The following SYTL2 variants were observed in gnomAD, a reference collection of about 807,000 sequenced individuals.
SYTL2 encodes synaptotagmin-like protein 2.
In SYTL2, 165 loss-of-function variants were observed where a neutral mutation model predicts 198.7. The ratio of observed to expected loss-of-function variants is 0.83; its 90% CI spans 0.73 to 0.94. The LOEUF (loss-of-function observed/expected upper bound fraction) is 0.94, where lower values mean the gene tolerates loss of function less well. SYTL2 is among the 40% of genes least tolerant of loss of function. The pLI, the probability that SYTL2 is intolerant of heterozygous loss-of-function variation, is 0.00. For missense variants in SYTL2, 2,835 were observed against 2,582.8 expected, an observed-to-expected ratio of 1.10 and a Z score of -2.12; for synonymous variants, 966 against 917.7, an observed-to-expected ratio of 1.05 and a Z score of -0.95.
rs751986369 is a variant in SYTL2 at position 85,697,958 on chromosome 11, CAG to C, written c.6368+19_6368+20del. On this transcript the variant is annotated intron_variant, in intron 18 of 19. Transcript: ENST00000359152. Reference sequence around the variant, plus strand: ...GACCAGGCTACAGAACTGTTGCAGACAGAGTCATCAATACTATTACCATTTAA... The same window carrying C: ...GACCAGGCTACAGAACTGTTGCAGACAGTCATCAATACTATTACCATTTAA... 2 of 1,516,658 alleles carry C rather than the reference CAG, an allele frequency of 1.3e-6. No homozygotes were observed. The highest frequency in any genetic ancestry group is 1.1e-5 in the South Asian group (1 of 88,880). The allele number at this position is 1,516,658 out of a possible 1,614,324, so 94.0% of individuals were successfully genotyped here.
chr11:85,753,370 A>G (rs2091664768), intron 2 of SYTL2, among the ~76,000 whole-genome samples: 2 of 152,066 alleles, frequency 1.3e-5, no homozygotes, highest in South Asian at 4.1e-4. Flanking sequence ...ATACATGGTA[A>G]TAACTGGGTC....
intron 5 of SYTL2, 73 bp downstream of exon 5, chr11:85,737,502 G>T: frequency 8.6e-7 from 1 of 1,164,638 alleles, no homozygotes; most frequent in Non-Finnish European, 1.3e-6. Flanking sequence ...TTTATTTTGT[G>T]GTGCTTTGAC....
intron 1 of SYTL2, among the ~76,000 whole-genome samples, chr11:85,793,122 A>G (rs1312616010): frequency 6.6e-6 from 1 of 151,802 alleles, no homozygotes; most frequent in African/African-American, 2.4e-5. Context: ...AGCATGATTT[A>G]TAGTCCTTTG....
intron 1 of SYTL2, among the ~76,000 whole-genome samples, chr11:85,759,048 C>A (rs953080079): frequency 6.6e-6 from 1 of 151,846 alleles, no homozygotes; most frequent in Non-Finnish European, 1.5e-5. Context: ...AGTTCGAGAC[C>A]AGCCTGACCA....
rs1484045715 is a variant in SYTL2, at chr11:85,724,609, G to C, written c.4749C>G (p.Pro1583=). ...GAGTTTCTTCTCTCACTGACACCTG[G>C]GGCTGATAAGGAGGAGCTTCAGTTA... is the stretch of plus-strand genomic sequence containing the variant. The part of the protein sequence containing the change: ...KEITEAPPYQ[P]QVSVREETHE... The change falls in exon 8 of 20, where the codon CCC becomes CCG. Residue 1583 remains proline, a synonymous_variant. Coordinates refer to ENST00000359152, the MANE Select transcript of SYTL2 (RefSeq NM_206927.4). 23 of 1,612,990 alleles carry C rather than the reference G, an allele frequency of 1.4e-5. No homozygotes were observed. In the Admixed American group the frequency reaches 3.8e-4, roughly 27 times the overall value.
chr11:85,842,073 G>A, the SYTL2 span, among the ~76,000 whole-genome samples: 1 of 152,192 alleles, frequency 6.6e-6, no homozygotes, highest in Non-Finnish European at 1.5e-5. Flanking sequence ...TGGTGAAGCA[G>A]AGAGACATGG....
chr11:85,853,100 G>C, the SYTL2 span: 1 of 289,086 alleles, frequency 3.5e-6, no homozygotes, highest in Non-Finnish European at 6.7e-6. Context: ...GCCTCTGCCC[G>C]GCCGCCCCTT....
rs774771017 is a variant in SYTL2 at position 85,726,246 on chromosome 11, C to G, written c.3112G>C (p.Val1038Leu). Residue 1038 changes from valine to leucine, a missense_variant, in exon 8 of 20, where the codon GTG becomes CTG. Physicochemically the swap from Val to Leu is conservative, Grantham distance 32. Transcript: ENST00000359152. ...LSGKNTHEAE[V>L]LLSPKKVMAR... ...ATAACTTTTTTTGGGCTTAGAAGCA[C>G]CTCTGCTTCATGGGTATTTTTACCT... 1.2e-6 allele frequency: 2 copies of G among 1,613,618 alleles called. No individual in the cohort carries two copies. The highest frequency in any genetic ancestry group is 1.3e-5 in the African/African-American group (1 of 74,860).
At chr11:85,822,241 A>G in the SYTL2 span, among the ~76,000 whole-genome samples, 1 of 152,142 alleles carries the variant, frequency 6.6e-6, no homozygotes, top group Non-Finnish European at 1.5e-5. Flanking sequence ...TACCAGATCA[A>G]TGATCTCGGA....
chr11:85,841,040 T>C, the SYTL2 span, among the ~76,000 whole-genome samples: 1 of 152,072 alleles, frequency 6.6e-6, no homozygotes, highest in Non-Finnish European at 1.5e-5. Flanking sequence ...GAACAGACAC[T>C]TCTCAAAAGA....
At chr11:85,741,123 G>C (rs1358058412) in intron 4 of SYTL2, among the ~76,000 whole-genome samples, 2 of 150,956 alleles carry the variant, frequency 1.3e-5, no homozygotes, top group Admixed American at 1.3e-4. Context: ...AATTCTACAA[G>C]TGTTGTTGAC....
At chr11:85,791,921 G>C (rs142536952) in intron 1 of SYTL2, among the ~76,000 whole-genome samples, 6 of 152,206 alleles carry the variant, frequency 3.9e-5, no homozygotes, top group African/African-American at 1.2e-4. Flanking sequence ...CAGCAGCTGC[G>C]ATAGGATTAC....
At chr11:85,829,265 G>C in the SYTL2 span, among the ~76,000 whole-genome samples, 1 of 151,972 alleles carries the variant, frequency 6.6e-6, no homozygotes, top group Admixed American at 6.6e-5. Context: ...AGTGTCTATT[G>C]TTCCCATCTT....
At chr11:85,851,767 A>C in the SYTL2 span, among the ~76,000 whole-genome samples, 1 of 152,248 alleles carries the variant, frequency 6.6e-6, no homozygotes, top group South Asian at 2.1e-4. Context: ...ATCAATTCAA[A>C]GTGCTGAAGA....
the SYTL2 span, among the ~76,000 whole-genome samples, chr11:85,833,123 G>GAAGGA: frequency 8.8e-5 from 9 of 101,980 alleles, no homozygotes; most frequent in East Asian, 2.1e-3. Flanking sequence ...AGGAAGGAAG[G>GAAGGA]AAGGAAGGAA....
chr11:85,808,062 C>CATT (rs756738973), intron 1 of SYTL2, among the ~76,000 whole-genome samples: 55 of 151,512 alleles, frequency 3.6e-4, no homozygotes, highest in East Asian at 9.7e-4. Context: ...GTATTTATAT[C>CATT]ATTATTATTA....
chr11:85,798,924 A>G (rs532239518), intron 1 of SYTL2, among the ~76,000 whole-genome samples: 1 of 152,216 alleles, frequency 6.6e-6, no homozygotes, highest in Non-Finnish European at 1.5e-5. Context: ...GAGCTACTCA[A>G]TCATTTAGAT....
chr11:85,753,374 C>G (rs1347459491), intron 2 of SYTL2, among the ~76,000 whole-genome samples: 4 of 152,158 alleles, frequency 2.6e-5, no homozygotes, highest in South Asian at 2.1e-4. Context: ...ATGGTAATAA[C>G]TGGGTCCAGT....
upstream of SYTL2, among the ~76,000 whole-genome samples, chr11:85,811,523 G>T (rs1483754626): frequency 1.3e-5 from 2 of 152,164 alleles, no homozygotes; most frequent in South Asian, 4.1e-4. Context: ...TCCGAGAAGG[G>T]ACAGCCACCG....
Sources: gnomAD v4.1 joint callset for allele counts (sites outside exome capture counted in the v4.1 genomes callset) on GRCh38, gnomAD v4.1.1 for gene constraint, MANE v1.5 for transcripts, NCBI Gene and HGNC (gene_info 2026-07-23, HGNC 2026-07-21) for gene names.